The following RGS6 variants were observed in gnomAD, a reference collection of about 807,000 sequenced individuals.
RGS6 encodes the protein regulator of G protein signaling 6.
Under a neutral mutation model 78.5 loss-of-function variants are expected in RGS6, and 30 were observed. The observed-to-expected ratio is 0.38, with a 90% CI of 0.29 to 0.52. The LOEUF (loss-of-function observed/expected upper bound fraction) is 0.52, where lower values mean the gene tolerates loss of function less well. Ranked by LOEUF, RGS6 falls within the 20% of genes least tolerant of loss-of-function variation. The pLI, the probability that RGS6 is intolerant of heterozygous loss-of-function variation, is 0.85. For synonymous variants in RGS6, 206 were observed against 206.0 expected (o/e 1.00, Z 0.00); for missense variants, 495 against 609.7 (o/e 0.81, Z 1.98).
intron 3 of RGS6, among the ~76,000 whole-genome samples, chr14:72,419,292 T>C (rs1470454510): frequency 1.3e-5 from 2 of 152,246 alleles, no homozygotes; most frequent in African/African-American, 2.4e-5. Context: ...GCTCATTTTA[T>C]CTGCACGGCA....
intron 1 of RGS6, among the ~76,000 whole-genome samples, chr14:71,954,434 T>A (rs1226491251): frequency 1.3e-5 from 2 of 152,120 alleles, no homozygotes; most frequent in Non-Finnish European, 2.9e-5. Flanking sequence ...TCTTAAAAAA[T>A]TTCTTAAATT....
chr14:72,313,039 GC>G (rs575579438), intron 2 of RGS6, among the ~76,000 whole-genome samples: 41 of 152,356 alleles, frequency 2.7e-4, no homozygotes, highest in African/African-American at 6.3e-4. Flanking sequence ...TGACCTTGGA[GC>G]TGCAGCGACT....
intron 2 of RGS6, among the ~76,000 whole-genome samples, chr14:72,342,424 G>A (rs2077181221): frequency 1.3e-5 from 2 of 151,966 alleles, no homozygotes; most frequent in African/African-American, 4.8e-5. Flanking sequence ...AACTTAGTCG[G>A]GCATGGTGGC....
rs11287556 is a variant in RGS6 at position 72,259,910 on chromosome 14, C to CAAAAAA, written c.85-92169_85-92164dup. 3.4e-4 allele frequency among the ~76,000 whole-genome samples: 23 copies of CAAAAAA among 68,390 alleles called. 1 individual carries two copies. Among genetic ancestry groups the CAAAAAA allele is most frequent in the African/African-American group, 1.6e-3 (18 of 11,124 alleles). 44.9% of individuals were successfully genotyped at this position (68,390 alleles called of 152,430 possible). A position where few individuals can be genotyped will look rare whatever the true frequency, so the allele number is the denominator to read the frequency against. The stretch of plus-strand genomic sequence containing the variant: ...TGGGTGACAGAGTGAGACTCCGTCT[C>CAAAAAA]AAAAAAAAAAAAAAAAAAAAAGCTT... On this transcript the variant is annotated intron_variant, in intron 2 of 17. Transcript: ENST00000553525.
chr14:72,430,409 G>A (rs945000464), intron 3 of RGS6, among the ~76,000 whole-genome samples: 6 of 152,168 alleles, frequency 3.9e-5, no homozygotes, highest in Non-Finnish European at 7.3e-5. Flanking sequence ...GGCTGATCAA[G>A]GACTCTCCTT....
At chr14:72,129,121 C>T (rs2096263638) in intron 2 of RGS6, among the ~76,000 whole-genome samples, 1 of 152,048 alleles carries the variant, frequency 6.6e-6, no homozygotes, top group South Asian at 2.1e-4. Flanking sequence ...AATTTAGAGA[C>T]CAGGTTGGGC....
At chr14:72,585,340 G>T in the RGS6 span, among the ~76,000 whole-genome samples, 9 of 152,142 alleles carry the variant, frequency 5.9e-5, no homozygotes, top group Non-Finnish European at 1.3e-4. Context: ...AGACATTGCA[G>T]GCATGAGTTT....
In RGS6 at chr14:72,560,342, C is replaced by T. The variant is rs984275053; in HGVS notation, c.1423-2075C>T. ...TAGGACAGGGATGGACATAGGTAACCGGGGGTAGGGGAGGTTTGTAAGAGC... is the reference window on the plus strand; with the variant it reads ...TAGGACAGGGATGGACATAGGTAACTGGGGGTAGGGGAGGTTTGTAAGAGC... On this transcript the variant is annotated intron_variant, in intron 17 of 17. Coordinates refer to ENST00000553525, the MANE Select transcript of RGS6 (RefSeq NM_001204424.2). Among the ~76,000 whole-genome samples the T allele has an allele frequency of 4.6e-5, 7 of 152,232 alleles. No homozygotes were observed. In the East Asian group the frequency reaches 5.8e-4, roughly 13 times the overall value.
chr14:72,231,052 C>T (rs1405108332), intron 2 of RGS6, among the ~76,000 whole-genome samples: 1 of 151,994 alleles, frequency 6.6e-6, no homozygotes, highest in Non-Finnish European at 1.5e-5. Context: ...GATTGTTAAA[C>T]TGATTGATGA....
At chr14:72,044,014 T>G (rs557642654) in intron 2 of RGS6, among the ~76,000 whole-genome samples, 1 of 152,196 alleles carries the variant, frequency 6.6e-6, no homozygotes, top group Non-Finnish European at 1.5e-5. Flanking sequence ...CTTCTCTCTT[T>G]GCATTTTTAT....
intron 2 of RGS6, among the ~76,000 whole-genome samples, chr14:72,280,877 C>T (rs2061450717): frequency 6.6e-6 from 1 of 152,080 alleles, no homozygotes; most frequent in Admixed American, 6.6e-5. Flanking sequence ...ATGCCTCGTC[C>T]CACAGAAAAT....
intron 2 of RGS6, among the ~76,000 whole-genome samples, chr14:72,290,625 T>C (rs1412617316): frequency 6.6e-6 from 1 of 152,192 alleles, no homozygotes; most frequent in Non-Finnish European, 1.5e-5. Flanking sequence ...GAATCATCTG[T>C]TGCTGATAAG....
chr14:72,455,335 TG>T (rs2095604144), intron 4 of RGS6, among the ~76,000 whole-genome samples: 1 of 152,236 alleles, frequency 6.6e-6, no homozygotes, highest in Non-Finnish European at 1.5e-5. Flanking sequence ...TAATGGACAT[TG>T]GCGTGATTAG....
chr14:72,404,877 C>G (rs2092783136), intron 3 of RGS6, among the ~76,000 whole-genome samples: 1 of 152,046 alleles, frequency 6.6e-6, no homozygotes, highest in Non-Finnish European at 1.5e-5. Flanking sequence ...AGAACGATGA[C>G]AAATCTCAGT....
At chr14:72,073,807 G>A (rs1388432717) in intron 2 of RGS6, among the ~76,000 whole-genome samples, 1 of 152,010 alleles carries the variant, frequency 6.6e-6, no homozygotes, top group Non-Finnish European at 1.5e-5. Context: ...TAAAATGCTT[G>A]GAATAGTGAC....
At chr14:71,979,819 G>A (rs1174960132) in intron 2 of RGS6, among the ~76,000 whole-genome samples, 2 of 151,904 alleles carry the variant, frequency 1.3e-5, no homozygotes, top group East Asian at 3.9e-4. Context: ...GTATCCTTGT[G>A]GACTTTCTAT....
intron 2 of RGS6, among the ~76,000 whole-genome samples, chr14:72,318,582 G>A (rs780893140): frequency 6.6e-6 from 1 of 152,166 alleles, no homozygotes; most frequent in Non-Finnish European, 1.5e-5. Flanking sequence ...ATGACGTAAG[G>A]CTGGCCAAAT....
chr14:72,140,715 C>T (rs933018255), intron 2 of RGS6, among the ~76,000 whole-genome samples: 1 of 152,242 alleles, frequency 6.6e-6, no homozygotes, highest in Admixed American at 6.5e-5. Flanking sequence ...CCTGAGATCA[C>T]ACTGTGTTTG....
At chr14:72,520,449 C>T (rs1244672228) in intron 15 of RGS6, among the ~76,000 whole-genome samples, 1 of 152,236 alleles carries the variant, frequency 6.6e-6, no homozygotes, top group African/African-American at 2.4e-5. Context: ...AGGCACATGT[C>T]TAGCCACCTC....
Sources: allele counts gnomAD v4.1 joint callset (sites outside exome capture counted in the v4.1 genomes callset), GRCh38; gene constraint gnomAD v4.1.1; transcripts MANE v1.5; gene names NCBI Gene and HGNC (gene_info 2026-07-23, HGNC 2026-07-21).